TBC1D12: variants seen among roughly 807,000 people sequenced by gnomAD.
The protein encoded by TBC1D12 is TBC1 domain family member 12.
TBC1D12 carries 56 observed loss-of-function variants against 86.7 expected under a neutral mutation model. That is an observed-to-expected ratio of 0.65 (90% CI 0.52 to 0.81). TBC1D12 has a LOEUF of 0.81. TBC1D12 is among the 30% of genes least tolerant of loss of function. TBC1D12 has a pLI of 0.00. For synonymous variants in TBC1D12, 421 were observed against 411.7 expected, an observed-to-expected ratio of 1.02 and a Z score of -0.27; for missense variants, 1,023 against 1,038.8, an observed-to-expected ratio of 0.98 and a Z score of 0.21.
intron 9 of TBC1D12, 69 bp from the exon 10 acceptor site, chr10:94,521,886 T>C (rs895353808): frequency 7.5e-7 from 1 of 1,342,214 alleles, no homozygotes; most frequent in African/African-American, 1.5e-5. Context: ...TTTTCAGGAG[T>C]ACAATAAAAT....
intron 9 of TBC1D12, among the ~76,000 whole-genome samples, chr10:94,512,471 A>G (rs893613775): frequency 2.0e-5 from 3 of 152,204 alleles, no homozygotes; most frequent in Non-Finnish European, 4.4e-5. Flanking sequence ...GTTCTGTTGC[A>G]TGTTCATTTC....
chr10:94,458,203 A>G, intron 2 of TBC1D12, among the ~76,000 whole-genome samples: 1 of 152,104 alleles, frequency 6.6e-6, no homozygotes, highest in East Asian at 1.9e-4. Context: ...TTAATGGATT[A>G]ATGGATTATT....
chr10:94,491,500 T>TA (rs2056244584), intron 3 of TBC1D12, among the ~76,000 whole-genome samples: 1 of 152,226 alleles, frequency 6.6e-6, no homozygotes, highest in South Asian at 2.1e-4. Flanking sequence ...TAAACCAAAA[T>TA]ACGGTGTAGT....
At chr10:94,528,256 T>A (rs1842346230) in intron 11 of TBC1D12, among the ~76,000 whole-genome samples, 1 of 152,192 alleles carries the variant, frequency 6.6e-6, no homozygotes, top group Non-Finnish European at 1.5e-5. Context: ...GTTTCTTTCA[T>A]CAGTGTTTTC....
In TBC1D12 at chr10:94,483,245, T is replaced by C. The variant is rs948947241; in HGVS notation, c.1211+8462T>C. Among the ~76,000 whole-genome samples, 12 of 152,278 alleles carry C rather than the reference T, an allele frequency of 7.9e-5. 1 individual carries two copies. The highest frequency in any genetic ancestry group is 6.5e-4 in the Admixed American group (10 of 15,296). ...CATGGGAGTGCAGATATTTCTTTGATGTTCTGATTGCCTTTCTTTTGGGTA... is the reference window on the plus strand; with the variant it reads ...CATGGGAGTGCAGATATTTCTTTGACGTTCTGATTGCCTTTCTTTTGGGTA... On this transcript the variant is annotated intron_variant, in intron 3 of 12. Coordinates refer to ENST00000225235, the MANE Select transcript of TBC1D12 (RefSeq NM_015188.2).
intron 2 of TBC1D12, among the ~76,000 whole-genome samples, chr10:94,454,425 G>A (rs2055595987): frequency 6.6e-6 from 1 of 152,124 alleles, no homozygotes; most frequent in South Asian, 2.1e-4. Context: ...TTGTCAGGCT[G>A]GTCTTGAACT....
chr10:94,418,877 T>G (rs2055036551), intron 1 of TBC1D12, among the ~76,000 whole-genome samples: 2 of 151,082 alleles, frequency 1.3e-5, no homozygotes, highest in South Asian at 4.2e-4. Flanking sequence ...CAGCCTTTTT[T>G]TTTTCTTTTT....
intron 6 of TBC1D12, among the ~76,000 whole-genome samples, chr10:94,502,903 A>G (rs1420035640): frequency 1.3e-5 from 2 of 152,232 alleles, no homozygotes; most frequent in Admixed American, 6.5e-5. Context: ...CTGAACTGCT[A>G]TTCTTGATCC....
intron 11 of TBC1D12, among the ~76,000 whole-genome samples, chr10:94,523,405 A>T (rs938354039): frequency 6.6e-6 from 1 of 152,044 alleles, no homozygotes; most frequent in Non-Finnish European, 1.5e-5. Context: ...ATTAACACAC[A>T]AGGGCTTATG....
chr10:94,493,150 CTA>C (rs1491109933), intron 3 of TBC1D12, among the ~76,000 whole-genome samples: 1 of 110,902 alleles, frequency 9.0e-6, no homozygotes, highest in Non-Finnish European at 2.1e-5. Flanking sequence ...TGACATAGAA[CTA>C]CACACACACA....
At chr10:94,459,555 G>T (rs568266120) in intron 2 of TBC1D12, among the ~76,000 whole-genome samples, 1 of 152,242 alleles carries the variant, frequency 6.6e-6, no homozygotes. Flanking sequence ...GGCGGTGCCC[G>T]TCGGGGAGGC....
At chr10:94,423,594 T>C (rs11187938) in intron 1 of TBC1D12, among the ~76,000 whole-genome samples, 77,600 of 151,796 alleles carry the variant, frequency 0.51, 20,281 homozygotes, top group East Asian at 0.82. Flanking sequence ...GTGGTCTGCC[T>C]GCCTCAGCCT....
chr10:94,420,808 G>A (rs1158021778), intron 1 of TBC1D12, among the ~76,000 whole-genome samples: 2 of 152,100 alleles, frequency 1.3e-5, no homozygotes, highest in Non-Finnish European at 2.9e-5. Context: ...GTTATGGATA[G>A]TGCTGCTAGT....
intron 12 of TBC1D12, among the ~76,000 whole-genome samples, chr10:94,532,627 T>C (rs576018722): frequency 6.6e-6 from 1 of 152,332 alleles, no homozygotes; most frequent in South Asian, 2.1e-4. Flanking sequence ...GGGTTTGTAG[T>C]TGAAAGAATA....
intron 2 of TBC1D12, 49 bp downstream of exon 2, chr10:94,442,068 T>C: frequency 6.8e-7 from 1 of 1,471,860 alleles, no homozygotes; most frequent in Non-Finnish European, 8.9e-7. Flanking sequence ...TCAAGCATTC[T>C]TCTTCTTCTT....
At chr10:94,466,022 G>C (rs2055818212) in intron 2 of TBC1D12, among the ~76,000 whole-genome samples, 1 of 151,610 alleles carries the variant, frequency 6.6e-6, no homozygotes, top group Admixed American at 6.6e-5. Context: ...AGCCACTAGA[G>C]CTTGTTTGCA....
chr10:94,475,104 T>TA (rs1228828143), intron 3 of TBC1D12, among the ~76,000 whole-genome samples: 2 of 152,184 alleles, frequency 1.3e-5, no homozygotes, highest in Non-Finnish European at 2.9e-5. Context: ...GTCTAAGACT[T>TA]ACGCATATTT....
chr10:94,403,487 G>C lies in TBC1D12; in HGVS notation c.874G>C (p.Ala292Pro). Residue 292 changes from alanine to proline, a missense_variant, in exon 1 of 13, where the codon GCG becomes CCG. Around this residue, in one of 2 missense-constraint regions of TBC1D12, gnomAD observed 628 missense variants for 531.1 expected, o/e 1.18. Coordinates refer to ENST00000225235, the MANE Select transcript of TBC1D12 (RefSeq NM_015188.2). The part of the protein sequence containing the change: ...GQSARDHLPP[A>P]GPPVPLPAAE... ...GAGCGCCCGCGATCACCTGCCCCCG[G>C]CGGGGCCGCCGGTGCCCTTGCCCGC... 6.5e-7 allele frequency: 1 copy of C among 1,542,812 alleles called. No individual in the cohort carries two copies. Among genetic ancestry groups the C allele is most frequent in the Non-Finnish European group, 8.7e-7 (1 of 1,145,446 alleles).
intron 4 of TBC1D12, among the ~76,000 whole-genome samples, chr10:94,494,020 T>G (rs2056282227): frequency 6.6e-6 from 1 of 151,894 alleles, no homozygotes; most frequent in Non-Finnish European, 1.5e-5. Flanking sequence ...ATTTAATAAT[T>G]TTAACTTTCT....
Sources: gnomAD v4.1 joint callset for allele counts (sites outside exome capture counted in the v4.1 genomes callset) on GRCh38, gnomAD v4.1.1 for gene constraint, gnomAD v4.1.1 regional missense constraint, MANE v1.5 for transcripts, NCBI Gene and HGNC (gene_info 2026-07-23, HGNC 2026-07-21) for gene names.